ARHGAP10: variants seen among roughly 807,000 people sequenced by gnomAD.
ARHGAP10 encodes the protein Rho GTPase activating protein 10, also known as rho GTPase-activating protein 10.
ARHGAP10 carries 87 observed loss-of-function variants against 108.6 expected under a neutral mutation model. The observed-to-expected ratio is 0.80, with a 90% CI of 0.67 to 0.96. The LOEUF (loss-of-function observed/expected upper bound fraction) is 0.96, where lower values mean the gene tolerates loss of function less well. Among genes scored for constraint, ARHGAP10 ranks in the 40% least tolerant of loss-of-function variants. ARHGAP10 has a pLI of 0.00. For missense variants in ARHGAP10, 939 were observed against 954.5 expected (o/e 0.98, Z 0.21); for synonymous variants, 347 against 341.1 (o/e 1.02, Z -0.19).
intron 20 of ARHGAP10, 75 bp downstream of exon 20, chr4:148,047,126 A>C: frequency 6.4e-7 from 1 of 1,551,718 alleles, no homozygotes; most frequent in East Asian, 2.3e-5. Flanking sequence ...TTCCATGAGC[A>C]GTGACCTGTG....
At chr4:147,812,920 C>T (rs186158288) in intron 1 of ARHGAP10, among the ~76,000 whole-genome samples, 80 of 152,304 alleles carry the variant, frequency 5.3e-4, no homozygotes, top group Non-Finnish European at 8.7e-4. Flanking sequence ...TCACTTGGAG[C>T]AGCGACTGGC....
intron 18 of ARHGAP10, among the ~76,000 whole-genome samples, chr4:147,999,458 A>G (rs906422489): frequency 2.0e-5 from 3 of 152,086 alleles, no homozygotes; most frequent in Non-Finnish European, 2.9e-5. Flanking sequence ...GTTCGCTGCC[A>G]TTGCAGCCCC....
chr4:147,766,304 G>T (rs1269962875), intron 1 of ARHGAP10, among the ~76,000 whole-genome samples: 1 of 149,690 alleles, frequency 6.7e-6, no homozygotes, highest in African/African-American at 2.5e-5. Flanking sequence ...GGGTAAAAAA[G>T]GTCGTATTTG....
intron 12 of ARHGAP10, among the ~76,000 whole-genome samples, chr4:147,912,572 T>G (rs1336550199): frequency 0.011 from 1,194 of 110,854 alleles, 35 homozygotes; most frequent in Non-Finnish European, 0.015. Context: ...TATATATATA[T>G]ATATATATAT....
intron 5 of ARHGAP10, chr4:147,862,279 A>T (rs1048792610): frequency 6.6e-6 from 1 of 152,622 alleles, no homozygotes; most frequent in Admixed American, 6.5e-5. Flanking sequence ...TCCACACTGC[A>T]TCAGGCGCCG....
At chr4:147,806,126 T>C (rs2126766114) in intron 1 of ARHGAP10, among the ~76,000 whole-genome samples, 1 of 152,296 alleles carries the variant, frequency 6.6e-6, no homozygotes, top group East Asian at 1.9e-4. Context: ...GCTGAGTGAC[T>C]GAATCCAGGC....
chr4:147,918,000 C>T (rs771847694), intron 13 of ARHGAP10, among the ~76,000 whole-genome samples: 1 of 151,962 alleles, frequency 6.6e-6, no homozygotes, highest in Admixed American at 6.6e-5. Context: ...TGTTTGGTTA[C>T]GGTATCAAAA....
intron 18 of ARHGAP10, 145 bp from the exon 19 acceptor site, chr4:148,023,117 CT>C: frequency 1.3e-6 from 1 of 776,890 alleles, no homozygotes; most frequent in East Asian, 2.7e-5. Flanking sequence ...GCTATGACCT[CT>C]TCCCTTCATT....
chr4:147,919,454 C>T (rs756653661), intron 13 of ARHGAP10, among the ~76,000 whole-genome samples: 17 of 152,294 alleles, frequency 1.1e-4, no homozygotes, highest in South Asian at 2.1e-4. Context: ...TAATACATAC[C>T]GGCTCTACCA....
intron 18 of ARHGAP10, among the ~76,000 whole-genome samples, chr4:147,982,874 T>G (rs1578757699): frequency 1.3e-5 from 2 of 152,134 alleles, no homozygotes; most frequent in East Asian, 1.9e-4. Context: ...AAATACTTAC[T>G]TACTTTCTTT....
chr4:147,913,299 A>G (rs1736830903), intron 13 of ARHGAP10, among the ~76,000 whole-genome samples, 160 bp downstream of exon 13: 1 of 152,378 alleles, frequency 6.6e-6, no homozygotes, highest in South Asian at 2.1e-4. Context: ...TTACTATGAC[A>G]ATGAGGGATT....
intron 19 of ARHGAP10, among the ~76,000 whole-genome samples, chr4:148,031,003 G>A (rs538297577): frequency 4.6e-5 from 7 of 152,232 alleles, no homozygotes; most frequent in African/African-American, 1.4e-4. Flanking sequence ...AGGCTGCAGC[G>A]AGCCGTGATT....
chr4:147,950,427 A>G (rs556904835), intron 15 of ARHGAP10, among the ~76,000 whole-genome samples: 1 of 152,344 alleles, frequency 6.6e-6, no homozygotes, highest in South Asian at 2.1e-4. Flanking sequence ...CCTGCCTGCC[A>G]GGGTTGGAGC....
intron 1 of ARHGAP10, among the ~76,000 whole-genome samples, 169 bp from the exon 2 acceptor site, chr4:147,822,558 C>T (rs558539944): frequency 2.4e-4 from 37 of 152,220 alleles, no homozygotes; most frequent in Admixed American, 7.2e-4. Context: ...CTACCCAGAG[C>T]GTGCCAGGTT....
intron 1 of ARHGAP10, among the ~76,000 whole-genome samples, chr4:147,736,078 A>C (rs769571425): frequency 5.9e-5 from 9 of 152,156 alleles, no homozygotes; most frequent in Non-Finnish European, 1.2e-4. Context: ...AAGCACTAAT[A>C]CAGTGATATA....
At chr4:148,026,426 T>A (rs1727847244) in intron 19 of ARHGAP10, among the ~76,000 whole-genome samples, 1 of 152,172 alleles carries the variant, frequency 6.6e-6, no homozygotes, top group South Asian at 2.1e-4. Context: ...CCACTCCCAA[T>A]TGAGAGATGA....
At chr4:147,922,406 T>A (rs989834014) in intron 13 of ARHGAP10, among the ~76,000 whole-genome samples, 45 of 149,768 alleles carry the variant, frequency 3.0e-4, no homozygotes, top group African/African-American at 1.0e-3. Context: ...AAAAAAAAAG[T>A]TGGCCGGGCG....
rs141604198 is a variant in ARHGAP10, at chr4:147,972,208, G to A, written c.1716+5369G>A. Among the ~76,000 whole-genome samples the A allele has an allele frequency of 3.5e-3, 536 of 152,232 alleles. 2 individuals carry two copies. The highest frequency in any genetic ancestry group is 0.012 in the African/African-American group (515 of 41,528). On this transcript the variant is annotated intron_variant, in intron 18 of 22. Coordinates refer to ENST00000336498, the MANE Select transcript of ARHGAP10 (RefSeq NM_024605.4). The stretch of plus-strand genomic sequence containing the variant: ...GTATAGTTAAAGACATGAGATTGGC[G>A]TAAGAAAATATTTATTGGATGCTCA...
intron 21 of ARHGAP10, among the ~76,000 whole-genome samples, chr4:148,063,655 G>A (rs954168527): frequency 6.6e-6 from 1 of 152,156 alleles, no homozygotes; most frequent in Non-Finnish European, 1.5e-5. Flanking sequence ...GGAAACATTC[G>A]CTTCCATGGC....
Sources: gnomAD v4.1 joint callset for allele counts (sites outside exome capture counted in the v4.1 genomes callset) on GRCh38, gnomAD v4.1.1 for gene constraint, MANE v1.5 for transcripts, NCBI Gene and HGNC (gene_info 2026-07-23, HGNC 2026-07-21) for gene names.